Variants in NOX4 observed in about 807,000 individuals in gnomAD.
NOX4 encodes the protein kidney oxidase-1.
NOX4 carries 69 observed loss-of-function variants against 87.6 expected under a neutral mutation model. The observed-to-expected ratio is 0.79, with a 90% CI of 0.65 to 0.96. The LOEUF (loss-of-function observed/expected upper bound fraction) is 0.96, where lower values mean the gene tolerates loss of function less well. NOX4 is among the 40% of genes least tolerant of loss of function. The probability of loss-of-function intolerance (pLI) is 0.00; values close to 1 mark genes in which losing one functional copy is unlikely to be tolerated. For synonymous variants in NOX4, 275 were observed against 238.2 expected (o/e 1.15, Z -1.42); for missense variants, 680 against 681.5 (o/e 1.00, Z 0.02).
At chr11:89,498,656 G>T (rs541041314), upstream of NOX4, 1 of 152,284 alleles carries the variant, frequency 6.6e-6, no homozygotes, top group African/African-American at 2.4e-5. Flanking sequence ...ACTAATAATA[G>T]GAAGAAAAGA....
chr11:89,525,955 T>G, the NOX4 span, among the ~76,000 whole-genome samples: 10 of 152,152 alleles, frequency 6.6e-5, no homozygotes, highest in African/African-American at 2.4e-4. Flanking sequence ...ATATAAATAT[T>G]TGTTGAAAAG....
chr11:89,517,561 G>C, the NOX4 span, among the ~76,000 whole-genome samples: 1 of 151,824 alleles, frequency 6.6e-6, no homozygotes, highest in South Asian at 2.1e-4. Flanking sequence ...CTTCAGTCTT[G>C]AATTATTGGG....
chr11:89,339,675 G>A (rs1371355548), intron 15 of NOX4, among the ~76,000 whole-genome samples: 1 of 152,152 alleles, frequency 6.6e-6, no homozygotes, highest in East Asian at 1.9e-4. Context: ...TCAAGGGTAA[G>A]TGCTATCAGA....
At chr11:89,577,304 T>C in the NOX4 span, 2 of 152,296 alleles carry the variant, frequency 1.3e-5, no homozygotes, top group East Asian at 1.9e-4. Flanking sequence ...AAGATAGATC[T>C]AGAAGATTAA....
At chr11:89,588,674 G>GA in the NOX4 span, among the ~76,000 whole-genome samples, 2 of 152,240 alleles carry the variant, frequency 1.3e-5, no homozygotes, top group South Asian at 4.1e-4. Flanking sequence ...CAATCTTTGT[G>GA]AAAAAATGGT....
chr11:89,588,509 T>C, the NOX4 span, among the ~76,000 whole-genome samples: 1 of 152,188 alleles, frequency 6.6e-6, no homozygotes, highest in South Asian at 2.1e-4. Flanking sequence ...CAATAATGAA[T>C]TACTAATTAG....
intron 2 of NOX4, among the ~76,000 whole-genome samples, chr11:89,467,908 A>C (rs770079469): frequency 6.6e-6 from 1 of 152,238 alleles, no homozygotes; most frequent in African/African-American, 2.4e-5. Flanking sequence ...ATAGTTAATC[A>C]TCGCATCAGT....
At chr11:89,420,089 G>T (rs1048167243) in intron 8 of NOX4, among the ~76,000 whole-genome samples, 1 of 151,980 alleles carries the variant, frequency 6.6e-6, no homozygotes, top group Non-Finnish European at 1.5e-5. Context: ...AAGCCTTGTA[G>T]TAAAAACTTA....
chr11:89,403,503 A>T (rs538157358), intron 8 of NOX4, among the ~76,000 whole-genome samples: 1 of 152,234 alleles, frequency 6.6e-6, no homozygotes, highest in East Asian at 1.9e-4. Flanking sequence ...CAAATACTTA[A>T]TTTTAGTAGT....
At chr11:89,447,875 A>G (rs1208631821) in intron 4 of NOX4, among the ~76,000 whole-genome samples, 1 of 152,002 alleles carries the variant, frequency 6.6e-6, no homozygotes, top group Non-Finnish European at 1.5e-5. Flanking sequence ...CCCATCTAAC[A>G]CCTGCAGAGG....
chr11:89,454,064 CA>C (rs1945081799), intron 2 of NOX4, among the ~76,000 whole-genome samples: 1 of 152,052 alleles, frequency 6.6e-6, no homozygotes, highest in South Asian at 2.1e-4. Context: ...AAGTACTAGA[CA>C]AGGTCACAGC....
At position 89,337,427 on chromosome 11, in the gene NOX4, C is replaced by T. The variant is rs183549413; in HGVS notation, c.1515+20G>A. On this transcript the variant is annotated intron_variant, in intron 16 of 17. Coordinates refer to ENST00000263317, the MANE Select transcript of NOX4 (RefSeq NM_016931.5). Reference sequence around the variant, plus strand: ...ATTATCAAGAGGCTTGTTTAATTTACGATAACATCAACCACATACCTGTAT... The same window carrying T: ...ATTATCAAGAGGCTTGTTTAATTTATGATAACATCAACCACATACCTGTAT... 4.4e-5 allele frequency: 71 copies of T among 1,610,750 alleles called. No individual in the cohort carries two copies. The highest frequency in any genetic ancestry group is 3.3e-4 in the East Asian group (15 of 44,806).
the NOX4 span, among the ~76,000 whole-genome samples, chr11:89,543,495 G>T: frequency 3.5e-3 from 538 of 152,148 alleles, 4 homozygotes; most frequent in African/African-American, 0.013. Context: ...ACAGAAAAAT[G>T]TAAGTATTCT....
At position 89,422,049 on chromosome 11, in the gene NOX4, A is replaced by G. The variant is rs140483002; in HGVS notation, c.549-67T>C. ...CCATCTTACTAAAAATATCAAAAAT[A>G]CCATGTATCATTTCAAACATCTCAC... On this transcript the variant is annotated intron_variant, in intron 7 of 17. Coordinates refer to ENST00000263317, the MANE Select transcript of NOX4 (RefSeq NM_016931.5). 5.8e-5 allele frequency: 48 copies of G among 826,348 alleles called. No individual in the cohort carries two copies. In the African/African-American group the frequency reaches 8.0e-4, roughly 14 times the overall value. 51.2% of individuals were successfully genotyped at this position (826,348 alleles called of 1,614,324 possible). A position where few individuals can be genotyped will look rare whatever the true frequency, so the allele number is the denominator to read the frequency against.
intron 9 of NOX4, 31 bp from the exon 10 acceptor site, chr11:89,400,410 G>A (rs778102743): frequency 1.9e-5 from 28 of 1,502,136 alleles, no homozygotes; most frequent in Non-Finnish European, 2.1e-5. Flanking sequence ...TATACTTCAA[G>A]AAATACTCAT....
chr11:89,335,681 G>T (rs900022860), intron 17 of NOX4, among the ~76,000 whole-genome samples, 164 bp downstream of exon 17: 1 of 151,764 alleles, frequency 6.6e-6, no homozygotes, highest in African/African-American at 2.4e-5. Context: ...AAAAATGTAG[G>T]ACGATACCTG....
chr11:89,352,805 CTGTT>C (rs890666717), intron 13 of NOX4, among the ~76,000 whole-genome samples: 9 of 152,040 alleles, frequency 5.9e-5, no homozygotes, highest in Non-Finnish European at 8.8e-5. Context: ...GTTTTGTTGT[CTGTT>C]TGTCATTTTT....
chr11:89,469,726 G>A (rs1314044418), intron 2 of NOX4, among the ~76,000 whole-genome samples: 2 of 152,112 alleles, frequency 1.3e-5, no homozygotes, highest in East Asian at 1.9e-4. Context: ...CTTGCCTAAT[G>A]CTCTTTCCGT....
intron 13 of NOX4, among the ~76,000 whole-genome samples, chr11:89,350,758 A>T (rs1372057671): frequency 2.0e-5 from 3 of 152,216 alleles, no homozygotes; most frequent in African/African-American, 7.2e-5. Flanking sequence ...ACAAAGCTAC[A>T]AATTCTTTGA....
Sources: allele counts gnomAD v4.1 joint callset (sites outside exome capture counted in the v4.1 genomes callset), GRCh38; gene constraint gnomAD v4.1.1; transcripts MANE v1.5; gene names NCBI Gene and HGNC (gene_info 2026-07-23, HGNC 2026-07-21).